The following SKOR1 variants were observed in gnomAD, a reference collection of about 807,000 sequenced individuals.
SKOR1 encodes SKI family transcriptional corepressor 1.
Under a neutral mutation model 72.4 loss-of-function variants are expected in SKOR1, and 38 were observed. The ratio of observed to expected loss-of-function variants is 0.52; its 90% confidence interval spans 0.40 to 0.69. The LOEUF is 0.69. Among genes scored for constraint, SKOR1 ranks in the 30% least tolerant of loss-of-function variants. SKOR1 has a pLI of 0.00. For missense variants in SKOR1, 1,320 were observed against 1,343.2 expected (o/e 0.98, Z 0.27); for synonymous variants, 642 against 599.4 (o/e 1.07, Z -1.04).
chr15:67,830,684 C>T, intron 4 of SKOR1, 134 bp from the exon 5 acceptor site: 1 of 827,168 alleles, frequency 1.2e-6, no homozygotes, highest in Non-Finnish European at 2.1e-6. Context: ...GTACTGGATT[C>T]CTGTAACTGT....
Position 67,834,271 on chromosome 15 carries a change from A to G in SKOR1, c.*435A>G, listed in dbSNP as rs973513145. 1.1e-5 allele frequency: 3 copies of G among 263,846 alleles called. No individual in the cohort carries two copies. Among genetic ancestry groups the G allele is most frequent in the Admixed American group, 4.5e-5 (1 of 22,234 alleles). 16.3% of individuals were successfully genotyped at this position (263,846 alleles called of 1,614,324 possible). A position where few individuals can be genotyped will look rare whatever the true frequency, so the allele number is the denominator to read the frequency against. ...TCCTGTTCCTAATGACAAAGTGGCT[A>G]TGTGCAATGGATATAAATGTACTGT... On this transcript the variant is annotated 3_prime_UTR_variant, in exon 9 of 9. Coordinates refer to ENST00000380035, the MANE Select transcript of SKOR1 (RefSeq NM_001365915.1). The surrounding 1 kb of genome is among the most constrained non-coding windows in gnomAD (Gnocchi z 5.8).
Position 67,833,172 on chromosome 15 carries a change from C to A in SKOR1, c.2738-20C>A. ...AGGGTGGTCTGCGTTTCCTCACTGG[C>A]CCCTCCCCTTGTCTTCCAGATACCC... is the stretch of plus-strand genomic sequence containing the variant. On this transcript the variant is annotated intron_variant, in intron 7 of 8. Transcript: ENST00000380035. The surrounding 1 kb of genome is among the most constrained non-coding windows in gnomAD (Gnocchi z 6.0). 1 of 1,613,782 alleles carries A rather than the reference C, an allele frequency of 6.2e-7. No homozygotes were observed. Among genetic ancestry groups the A allele is most frequent in the Non-Finnish European group, 8.5e-7 (1 of 1,179,834 alleles).
At position 67,825,896 on chromosome 15, in the gene SKOR1, G is replaced by A; in HGVS notation, c.108-40G>A. 1 of 1,510,220 alleles carries A rather than the reference G, an allele frequency of 6.6e-7. No individual in the cohort carries two copies. The highest frequency in any genetic ancestry group is 8.8e-7 in the Non-Finnish European group (1 of 1,135,618). 93.6% of individuals were successfully genotyped at this position (1,510,220 alleles called of 1,614,324 possible). A position where few individuals can be genotyped will look rare whatever the true frequency, so the allele number is the denominator to read the frequency against. On this transcript the variant is annotated intron_variant, in intron 1 of 8. Transcript: ENST00000380035. This position sits in a 1 kb window ranked among gnomAD's most constrained non-coding sequence, Gnocchi z 5.6. ...GGGCCCGAGCCTCGGCGGCGGCGCT[G>A]AAAATGGCTCATCTGCTCTCTGCTT... is the stretch of plus-strand genomic sequence containing the variant.
chr15:67,833,995 C>G lies in SKOR1; in HGVS notation c.*159C>G. On this transcript the variant is annotated 3_prime_UTR_variant, in exon 9 of 9. Coordinates refer to ENST00000380035, the MANE Select transcript of SKOR1 (RefSeq NM_001365915.1). This position sits in a 1 kb window ranked among gnomAD's most constrained non-coding sequence, Gnocchi z 6.0. ...TTCCTCCCGGGCTCCCCGGCCTTGC[C>G]CGCCCCCTCCCGGGCGTCCCTGTCC... The G allele has an allele frequency of 2.6e-6, 2 of 781,796 alleles. No homozygotes were observed. Among genetic ancestry groups the G allele is most frequent in the South Asian group, 1.5e-5 (1 of 64,598 alleles). 48.4% of individuals were successfully genotyped at this position (781,796 alleles called of 1,614,324 possible). A position where few individuals can be genotyped will look rare whatever the true frequency, so the allele number is the denominator to read the frequency against.
Position 67,832,632 on chromosome 15 carries a change from G to C in SKOR1, c.2688G>C (p.Arg896Ser). The change falls in exon 7 of 9, where the codon AGG (arginine) becomes AGC (serine). Residue 896 changes from arginine (R) to serine (S), a missense_variant. By Grantham distance (110) the Arg-to-Ser change is moderately radical. Around this residue, in one of 3 missense-constraint regions of SKOR1, gnomAD observed 1,099 missense variants for 1,025.5 expected, o/e 1.07. Coordinates refer to ENST00000380035, the MANE Select transcript of SKOR1 (RefSeq NM_001365915.1). The surrounding 1 kb of genome is among the most constrained non-coding windows in gnomAD (Gnocchi z 4.5). ...LKDNFQDQMK[R>S]ELAYREEMVQ... The stretch of plus-strand genomic sequence containing the variant: ...ATAATTTTCAGGATCAAATGAAGAG[G>C]GAATTGGCTTATCGAGAAGAAATGG... 1.2e-6 allele frequency: 2 copies of C among 1,614,086 alleles called. No homozygotes were observed. The highest frequency in any genetic ancestry group is 1.7e-6 in the Non-Finnish European group (2 of 1,180,012).
In SKOR1 at chr15:67,826,082, T is replaced by C. The variant is rs2090956371; in HGVS notation, c.254T>C (p.Val85Ala). 1.3e-5 allele frequency: 21 copies of C among 1,599,026 alleles called. No individual in the cohort carries two copies. The highest frequency in any genetic ancestry group is 1.8e-5 in the Non-Finnish European group (21 of 1,170,006). Residue 85 changes from valine (V) to alanine (A), a missense_variant, in exon 2 of 9, where the codon GTG (valine) becomes GCG (alanine). Around this residue, in one of 3 missense-constraint regions of SKOR1, gnomAD observed 120 missense variants for 104.9 expected, o/e 1.14. Coordinates refer to ENST00000380035, the MANE Select transcript of SKOR1 (RefSeq NM_001365915.1). The part of the protein sequence containing the change: ...NQVGETSLYG[V>A]PIVSLVIDGQ... Reference sequence around the variant, plus strand: ...GTGGGCGAGACGTCGCTGTACGGGGTGCCCATTGTGTCGCTGGTCATCGAC... The same window carrying C: ...GTGGGCGAGACGTCGCTGTACGGGGCGCCCATTGTGTCGCTGGTCATCGAC...
Position 67,831,540 on chromosome 15 carries a change from ACCAATGAC to A in SKOR1, c.2587+653_2587+660del, listed in dbSNP as rs1163659658. Among the ~76,000 whole-genome samples, 4 of 152,056 alleles carry A rather than the reference ACCAATGAC, an allele frequency of 2.6e-5. No individual in the cohort carries two copies. In the South Asian group the frequency reaches 8.3e-4, roughly 32 times the overall value. On this transcript the variant is annotated intron_variant, in intron 5 of 8. Coordinates refer to ENST00000380035, the MANE Select transcript of SKOR1 (RefSeq NM_001365915.1). ...GCCTCTCCTGGAGGAGGGCCCAGAT[ACCAATGAC>A]CTCATGGTCAGGGCAGTTGCCACAT...
Position 67,826,729 on chromosome 15 carries a change from G to T in SKOR1, c.901G>T (p.Gly301Cys). The T allele has an allele frequency of 6.5e-7, 1 of 1,541,384 alleles. No homozygotes were observed. The highest frequency in any genetic ancestry group is 8.7e-7 in the Non-Finnish European group (1 of 1,147,300). ...NGGSGGQGKG[G>C]AGGGGGGGPG... ...CGGGTCGGGTGGGCAGGGGAAGGGT[G>T]GTGCTGGCGGCGGTGGCGGCGGTGG... Residue 301 changes from glycine to cysteine, a missense_variant, in exon 2 of 9, where the codon GGT becomes TGT. Around this residue, in one of 3 missense-constraint regions of SKOR1, gnomAD observed 1,099 missense variants for 1,025.5 expected, o/e 1.07. Transcript: ENST00000380035.
chr15:67,829,834 C>A (rs772643240), intron 3 of SKOR1, among the ~76,000 whole-genome samples: 1 of 152,272 alleles, frequency 6.6e-6, no homozygotes. Flanking sequence ...AGGTCGCAGC[C>A]TGGGCCGCGT....
Position 67,825,703 on chromosome 15 carries a change from T to A in SKOR1, c.101T>A (p.Phe34Tyr). 1.3e-6 allele frequency: 1 copy of A among 760,960 alleles called. No homozygotes were observed. Among genetic ancestry groups the A allele is most frequent in the Non-Finnish European group, 2.4e-6 (1 of 424,016 alleles). 47.1% of individuals were successfully genotyped at this position (760,960 alleles called of 1,614,324 possible). Residue 34 changes from phenylalanine (F) to tyrosine (Y), a missense_variant, in exon 1 of 9, where the codon TTC becomes TAC. By Grantham distance (22) the Phe-to-Tyr change is conservative. Coordinates refer to ENST00000380035, the MANE Select transcript of SKOR1 (RefSeq NM_001365915.1). This position sits in a 1 kb window ranked among gnomAD's most constrained non-coding sequence, Gnocchi z 5.6. ...NGIGFLAARA[F>Y]LRSGGMEALT... ...ATTGGGTTCCTTGCAGCCCGGGCATTCCTGAGGTCTCCTTTACCCCTTCTC... is the reference window on the plus strand; with the variant it reads ...ATTGGGTTCCTTGCAGCCCGGGCATACCTGAGGTCTCCTTTACCCCTTCTC...
intron 2 of SKOR1, among the ~76,000 whole-genome samples, chr15:67,828,562 C>A (rs1474734541): frequency 6.6e-6 from 1 of 152,228 alleles, no homozygotes; most frequent in African/African-American, 2.4e-5. Flanking sequence ...GACAGTGTGG[C>A]CTCTCCCTGA....
At position 67,834,160 on chromosome 15, in the gene SKOR1, G is replaced by A. The variant is rs2091030669; in HGVS notation, c.*324G>A. On this transcript the variant is annotated 3_prime_UTR_variant, in exon 9 of 9. Transcript: ENST00000380035. The surrounding 1 kb of genome is among the most constrained non-coding windows in gnomAD (Gnocchi z 5.8). The stretch of plus-strand genomic sequence containing the variant: ...GGAGGGGAGAGCGCCCCCTCCCATT[G>A]TATAGCCTTGAACCCGATTGTGAAT... 4.6e-6 allele frequency: 2 copies of A among 430,650 alleles called. No homozygotes were observed. Among genetic ancestry groups the A allele is most frequent in the Non-Finnish European group, 8.7e-6 (2 of 229,112 alleles). The allele number at this position is 430,650 out of a possible 1,614,324, so 26.7% of individuals were successfully genotyped here.
chr15:67,830,329 A>AC, intron 4 of SKOR1, 31 bp downstream of exon 4: 1 of 1,604,278 alleles, frequency 6.2e-7, no homozygotes, highest in Non-Finnish European at 8.5e-7. Flanking sequence ...ATCGCTCTCC[A>AC]CCGCACCCAG....
chr15:67,829,044 C>A, intron 2 of SKOR1, 135 bp from the exon 3 acceptor site: 1 of 732,884 alleles, frequency 1.4e-6, no homozygotes, highest in Non-Finnish European at 2.2e-6. Flanking sequence ...CGTCACTGTG[C>A]CCGCTCAAGT....
Position 67,833,294 on chromosome 15 carries a change from G to T in SKOR1, c.2803+37G>T, listed in dbSNP as rs765744795. ...GGGAAACAAAGATAGGAGGGGTGCT[G>T]GGTGCCGGCCGTGCTGTCGACTGAA... On this transcript the variant is annotated intron_variant, in intron 8 of 8. Coordinates refer to ENST00000380035, the MANE Select transcript of SKOR1 (RefSeq NM_001365915.1). The surrounding 1 kb of genome is among the most constrained non-coding windows in gnomAD (Gnocchi z 6.0). The T allele has an allele frequency of 1.2e-6, 2 of 1,608,880 alleles. No individual in the cohort carries two copies. The highest frequency in any genetic ancestry group is 2.2e-5 in the South Asian group (2 of 90,828).
Position 67,833,840 on chromosome 15 carries a change from C to G in SKOR1, c.*4C>G. 5 of 1,607,794 alleles carry G rather than the reference C, an allele frequency of 3.1e-6. No individual in the cohort carries two copies. The highest frequency in any genetic ancestry group is 1.7e-5 in the Admixed American group (1 of 60,022). On this transcript the variant is annotated 3_prime_UTR_variant, in exon 9 of 9. Coordinates refer to ENST00000380035, the MANE Select transcript of SKOR1 (RefSeq NM_001365915.1). This position sits in a 1 kb window ranked among gnomAD's most constrained non-coding sequence, Gnocchi z 6.0. ...CAAGCCACCGCTGTTGCCCTAGGGC[C>G]GGCCTGGCCGCACCCCTGCGCCCTC...
At position 67,833,158 on chromosome 15, in the gene SKOR1, C is replaced by T. The variant is rs764842272; in HGVS notation, c.2738-34C>T. ...CCCCGGCCTTTCGGAGGGTGGTCTG[C>T]GTTTCCTCACTGGCCCCTCCCCTTG... On this transcript the variant is annotated intron_variant, in intron 7 of 8. Coordinates refer to ENST00000380035, the MANE Select transcript of SKOR1 (RefSeq NM_001365915.1). The surrounding 1 kb of genome is among the most constrained non-coding windows in gnomAD (Gnocchi z 6.0). 4.3e-6 allele frequency: 7 copies of T among 1,612,600 alleles called. No individual in the cohort carries two copies. The East Asian group carries it at 1.6e-4, about 36-fold the overall frequency.
At position 67,829,231 on chromosome 15, in the gene SKOR1, G is replaced by A; in HGVS notation, c.2369G>A (p.Gly790Glu). The change falls in exon 3 of 9, where the codon GGG becomes GAG. Residue 790 changes from glycine (G) to glutamate (E), a missense_variant. Transcript: ENST00000380035. ...GTGAAGAGCGCGGCGGTGGCGCTGG[G>A]GCCCGCGGCCTCCTACGTCTGCACC... Reference protein sequence around the residue: ...EHVKSAAVALGPAASYVCTPE... With the variant: ...EHVKSAAVALEPAASYVCTPE... 6.4e-7 allele frequency: 1 copy of A among 1,572,996 alleles called. No individual in the cohort carries two copies. Among genetic ancestry groups the A allele is most frequent in the Non-Finnish European group, 8.6e-7 (1 of 1,167,018 alleles).
Position 67,825,723 on chromosome 15 carries a change from C to A in SKOR1, c.107+14C>A, listed in dbSNP as rs543413192. On this transcript the variant is annotated intron_variant, in intron 1 of 8. Transcript: ENST00000380035. The surrounding 1 kb of genome is among the most constrained non-coding windows in gnomAD (Gnocchi z 5.6). ...GGCATTCCTGAGGTCTCCTTTACCCCTTCTCCTCCCCCAAGCCCCGGGGGC... is the reference window on the plus strand; with the variant it reads ...GGCATTCCTGAGGTCTCCTTTACCCATTCTCCTCCCCCAAGCCCCGGGGGC... 6.0e-6 allele frequency: 5 copies of A among 836,180 alleles called. No homozygotes were observed. The highest frequency in any genetic ancestry group is 6.0e-5 in the Admixed American group (3 of 50,176). The allele number at this position is 836,180 out of a possible 1,614,324, so 51.8% of individuals were successfully genotyped here.
Sources: allele counts gnomAD v4.1 joint callset (sites outside exome capture counted in the v4.1 genomes callset), GRCh38; gene constraint gnomAD v4.1.1; regional missense constraint gnomAD v4.1.1; non-coding constraint Gnocchi (gnomAD v3.1); transcripts MANE v1.5; gene names NCBI Gene and HGNC (gene_info 2026-07-23, HGNC 2026-07-21).